Variants in CHRM3 observed in about 807,000 individuals in gnomAD.
The protein encoded by CHRM3 is cholinergic receptor muscarinic 3.
Under a neutral mutation model 41.8 loss-of-function variants are expected in CHRM3, and 11 were observed. The ratio of observed to expected loss-of-function variants is 0.26; its 90% confidence interval spans 0.17 to 0.44. The LOEUF is 0.44. Ranked by LOEUF, CHRM3 falls within the 20% of genes least tolerant of loss-of-function variation. The pLI, the probability that CHRM3 is intolerant of heterozygous loss-of-function variation, is 1.00. For synonymous variants in CHRM3, 297 were observed against 301.4 expected (o/e 0.99, Z 0.15); for missense variants, 571 against 745.4 (o/e 0.77, Z 2.72).
At chr1:239,819,484 G>A (rs1268941118) in intron 5 of CHRM3, among the ~76,000 whole-genome samples, 2 of 152,150 alleles carry the variant, frequency 1.3e-5, no homozygotes, top group African/African-American at 4.8e-5. Context: ...TCCTATTACT[G>A]CCTGTCTGCG....
At chr1:239,725,848 G>A (rs1246485739) in intron 5 of CHRM3, among the ~76,000 whole-genome samples, 1 of 151,924 alleles carries the variant, frequency 6.6e-6, no homozygotes, top group Non-Finnish European at 1.5e-5. Context: ...GAATTCAAGT[G>A]AGCAAATGTA....
intron 1 of CHRM3, among the ~76,000 whole-genome samples, chr1:239,441,086 T>C (rs1663680214): frequency 6.6e-6 from 1 of 152,178 alleles, no homozygotes; most frequent in Admixed American, 6.5e-5. Flanking sequence ...AGTCTCCTCA[T>C]AGTGATTATT....
intron 5 of CHRM3, among the ~76,000 whole-genome samples, chr1:239,694,933 C>A (rs1038931059): frequency 6.6e-6 from 1 of 151,176 alleles, no homozygotes; most frequent in African/African-American, 2.4e-5. Context: ...GGTGTCTATG[C>A]TGCAGACCAA....
chr1:239,710,610 A>G (rs1014670), intron 5 of CHRM3, among the ~76,000 whole-genome samples: 61,657 of 152,012 alleles, frequency 0.41, 12,823 homozygotes, highest in Middle Eastern at 0.51. Flanking sequence ...AATTAGAATC[A>G]TTTACTGACT....
At position 239,437,578 on chromosome 1, in the gene CHRM3, C is replaced by T. The variant is rs530837675; in HGVS notation, c.-521+50351C>T. Among the ~76,000 whole-genome samples, 6 of 152,088 alleles carry T rather than the reference C, an allele frequency of 3.9e-5. No individual in the cohort carries two copies. In the East Asian group the frequency reaches 1.2e-3, roughly 30 times the overall value. ...TTGAGACGGAGTCTCTCTCTGTCAC[C>T]CAGGCTGAAGTGCAATGGCACGATC... On this transcript the variant is annotated intron_variant, in intron 1 of 6. Coordinates refer to ENST00000676153, the MANE Select transcript of CHRM3 (RefSeq NM_001375978.1).
At chr1:239,850,279 G>C (rs1249304115) in intron 6 of CHRM3, among the ~76,000 whole-genome samples, 1 of 152,110 alleles carries the variant, frequency 6.6e-6, no homozygotes, top group Non-Finnish European at 1.5e-5. Flanking sequence ...TTTATTAAGT[G>C]GAAGTGAATT....
chr1:239,895,085 A>G (rs13374746), intron 6 of CHRM3, among the ~76,000 whole-genome samples: 2,725 of 152,348 alleles, frequency 0.018, 87 homozygotes, highest in African/African-American at 0.061. Flanking sequence ...GATTGTGTCC[A>G]TGACCAGATG....
At chr1:239,743,788 C>CTTTTTTTTTTTTT (rs10718514) in intron 5 of CHRM3, among the ~76,000 whole-genome samples, 30 of 81,206 alleles carry the variant, frequency 3.7e-4, no homozygotes, top group Non-Finnish European at 4.3e-4. Flanking sequence ...TTTTTTTTTT[C>CTTTTTTTTTTTTT]TTTTTTTTTT....
chr1:239,540,292 T>C (rs1416140996), intron 2 of CHRM3, among the ~76,000 whole-genome samples: 1 of 151,014 alleles, frequency 6.6e-6, no homozygotes, highest in African/African-American at 2.4e-5. Flanking sequence ...ATGTGTAGAT[T>C]GCTTATGCTA....
At chr1:239,740,585 C>T (rs1228529744) in intron 5 of CHRM3, among the ~76,000 whole-genome samples, 1 of 152,042 alleles carries the variant, frequency 6.6e-6, no homozygotes. Context: ...GCCCTGCATG[C>T]ATTAGGTATT....
intron 1 of CHRM3, among the ~76,000 whole-genome samples, chr1:239,394,318 G>A (rs1659297279): frequency 1.3e-5 from 2 of 152,166 alleles, no homozygotes; most frequent in Non-Finnish European, 2.9e-5. Flanking sequence ...CTTGACTTGT[G>A]AGCATATCAT....
At chr1:239,525,595 T>C (rs908290772) in intron 2 of CHRM3, among the ~76,000 whole-genome samples, 1 of 152,186 alleles carries the variant, frequency 6.6e-6, no homozygotes, top group African/African-American at 2.4e-5. Context: ...CAGATTGTTC[T>C]TTAGAGAAAA....
chr1:239,833,331 GC>G, intron 6 of CHRM3, among the ~76,000 whole-genome samples: 1 of 152,282 alleles, frequency 6.6e-6, no homozygotes, highest in South Asian at 2.1e-4. Context: ...AGAAACCCTG[GC>G]TTTGTCCTAT....
intron 6 of CHRM3, among the ~76,000 whole-genome samples, chr1:239,905,728 C>T (rs573270533): frequency 4.6e-5 from 7 of 152,204 alleles, no homozygotes; most frequent in South Asian, 2.1e-4. Context: ...TAAGATAATG[C>T]ATATGATGCA....
chr1:239,757,542 A>C (rs1358808493), intron 5 of CHRM3, among the ~76,000 whole-genome samples: 1 of 151,678 alleles, frequency 6.6e-6, no homozygotes, highest in Non-Finnish European at 1.5e-5. Flanking sequence ...AGGCAGGAGA[A>C]TGGCGTGAAC....
Position 239,907,036 on chromosome 1 carries a change from ATCAAG to A in CHRM3, c.-19-390_-19-386del, listed in dbSNP as rs1680021148. Among the ~76,000 whole-genome samples, 1 of 152,242 alleles carries A rather than the reference ATCAAG, an allele frequency of 6.6e-6. No homozygotes were observed. The highest frequency in any genetic ancestry group is 1.5e-5 in the Non-Finnish European group (1 of 68,040). ...AAATGCCCAGATAGATAAAATGCAA[ATCAAG>A]TCAAGTTATCAATTTAGCATGAAGA... On this transcript the variant is annotated intron_variant, in intron 6 of 6. Coordinates refer to ENST00000676153, the MANE Select transcript of CHRM3 (RefSeq NM_001375978.1). This position sits in a 1 kb window ranked among gnomAD's most constrained non-coding sequence, Gnocchi z 5.4.
Position 239,553,483 on chromosome 1 carries a change from G to GA in CHRM3, c.-313+7738dup, listed in dbSNP as rs1660061278. On this transcript the variant is annotated intron_variant, in intron 3 of 6. Transcript: ENST00000676153. Reference sequence around the variant, plus strand: ...GAATGCATTACCCATTTTTAAGATTGAAAATTTTGTTCATAAAAATCAAAT... The same window carrying GA: ...GAATGCATTACCCATTTTTAAGATTGAAAAATTTTGTTCATAAAAATCAAAT... Among the ~76,000 whole-genome samples, 6 of 152,116 alleles carry GA rather than the reference G, an allele frequency of 3.9e-5. No homozygotes were observed. The South Asian group carries it at 1.2e-3, about 32-fold the overall frequency.
chr1:239,514,585 T>A (rs1481527339), intron 2 of CHRM3, among the ~76,000 whole-genome samples: 1 of 152,128 alleles, frequency 6.6e-6, no homozygotes, highest in Non-Finnish European at 1.5e-5. Flanking sequence ...ATTTCTCGCT[T>A]ATCAATCTGT....
chr1:239,797,535 A>G (rs1669886765), intron 5 of CHRM3, among the ~76,000 whole-genome samples: 1 of 152,134 alleles, frequency 6.6e-6, no homozygotes, highest in South Asian at 2.1e-4. Flanking sequence ...TATGTGTTTG[A>G]TGACTGTTTC....
Sources: allele counts gnomAD v4.1 joint callset (sites outside exome capture counted in the v4.1 genomes callset), GRCh38; gene constraint gnomAD v4.1.1; non-coding constraint Gnocchi (gnomAD v3.1); transcripts MANE v1.5; gene names NCBI Gene and HGNC (gene_info 2026-07-23, HGNC 2026-07-21).